COL8A1: variants seen among roughly 807,000 people sequenced by gnomAD.
COL8A1 encodes the protein collagen alpha-1(VIII) chain.
Under a neutral mutation model 42.7 loss-of-function variants are expected in COL8A1, and 21 were observed. The observed-to-expected ratio is 0.49, with a 90% confidence interval of 0.35 to 0.71. The LOEUF (loss-of-function observed/expected upper bound fraction) is 0.71, where lower values mean the gene tolerates loss of function less well. COL8A1 is among the 30% of genes least tolerant of loss of function. COL8A1 has a pLI of 0.01. For missense variants in COL8A1, 788 were observed against 962.4 expected, an observed-to-expected ratio of 0.82 and a Z score of 2.40; for synonymous variants, 367 against 369.1, an observed-to-expected ratio of 0.99 and a Z score of 0.06.
At chr3:99,674,791 C>G (rs1938644825) in intron 1 of COL8A1, among the ~76,000 whole-genome samples, 1 of 152,060 alleles carries the variant, frequency 6.6e-6, no homozygotes, top group Admixed American at 6.6e-5. Flanking sequence ...GAATTTGCTA[C>G]TTAATGAATG....
At chr3:99,750,129 T>C (rs988303645) in intron 2 of COL8A1, among the ~76,000 whole-genome samples, 1 of 144,930 alleles carries the variant, frequency 6.9e-6, no homozygotes, top group Non-Finnish European at 1.5e-5. Flanking sequence ...TGATCTTGGC[T>C]TACTGCAACC....
At chr3:99,716,797 T>A (rs1940010851) in intron 1 of COL8A1, among the ~76,000 whole-genome samples, 1 of 152,064 alleles carries the variant, frequency 6.6e-6, no homozygotes, top group Admixed American at 6.6e-5. Context: ...TGCTCCTTTT[T>A]TGTCTCAATC....
chr3:99,707,839 C>G (rs539413539), intron 1 of COL8A1, among the ~76,000 whole-genome samples: 4 of 152,144 alleles, frequency 2.6e-5, no homozygotes, highest in Non-Finnish European at 5.9e-5. Context: ...AGATACTGCT[C>G]TAAGAGCCTT....
At chr3:99,692,328 C>A (rs931174919) in intron 1 of COL8A1, among the ~76,000 whole-genome samples, 1 of 152,328 alleles carries the variant, frequency 6.6e-6, no homozygotes, top group East Asian at 1.9e-4. Context: ...ATGTCTCAAA[C>A]AACCACAGAA....
intron 2 of COL8A1, among the ~76,000 whole-genome samples, chr3:99,767,904 A>T (rs1458762506): frequency 1.3e-5 from 2 of 152,186 alleles, no homozygotes; most frequent in Non-Finnish European, 2.9e-5. Flanking sequence ...GAATTATATC[A>T]ATTTCCTGGG....
chr3:99,669,798 A>G (rs1938486769), intron 1 of COL8A1, among the ~76,000 whole-genome samples: 1 of 152,072 alleles, frequency 6.6e-6, no homozygotes, highest in Admixed American at 6.6e-5. Flanking sequence ...CGGAGCAGAA[A>G]CAAAGTTTAT....
At chr3:99,773,819 A>ATATATATATATATATATAT (rs1559632659) in intron 2 of COL8A1, among the ~76,000 whole-genome samples, 3 of 56,404 alleles carry the variant, frequency 5.3e-5, no homozygotes, top group African/African-American at 2.5e-4. Context: ...ATGTGTGTAT[A>ATATATATATATATATATAT]TATATATATA....
At chr3:99,735,278 G>T (rs1024728230) in intron 1 of COL8A1, among the ~76,000 whole-genome samples, 1 of 131,758 alleles carries the variant, frequency 7.6e-6, no homozygotes, top group Non-Finnish European at 1.6e-5. Context: ...TATGACATTG[G>T]CTGTGGGTTT....
chr3:99,694,242 G>A (rs1157569204), intron 1 of COL8A1, among the ~76,000 whole-genome samples: 3 of 152,246 alleles, frequency 2.0e-5, no homozygotes, highest in East Asian at 3.9e-4. Flanking sequence ...CAGCACTTTG[G>A]GAGACTGAGG....
intron 1 of COL8A1, among the ~76,000 whole-genome samples, chr3:99,721,124 A>G (rs1420891734): frequency 6.6e-6 from 1 of 152,110 alleles, no homozygotes; most frequent in Non-Finnish European, 1.5e-5. Flanking sequence ...AAGAGCAAAC[A>G]TGCCATCCCC....
intron 1 of COL8A1, among the ~76,000 whole-genome samples, chr3:99,733,947 C>G (rs1392223030): frequency 2.0e-5 from 3 of 151,980 alleles, no homozygotes; most frequent in Admixed American, 2.0e-4. Context: ...TAAATGTCTT[C>G]TTTTGAGAAG....
At position 99,693,701 on chromosome 3, in the gene COL8A1, A is replaced by G. The variant is rs74827855; in HGVS notation, c.-128-51196A>G. ...TAAAAAATTAAAAGGAAGAAATGTT[A>G]CAATAAGCTAAGGTTAATTTATTAT... is the stretch of plus-strand genomic sequence containing the variant. On this transcript the variant is annotated intron_variant, in intron 1 of 3. Coordinates refer to ENST00000652472, the MANE Select transcript of COL8A1 (RefSeq NM_020351.4). 9.3e-3 allele frequency among the ~76,000 whole-genome samples: 1,414 copies of G among 152,354 alleles called. 24 individuals carry two copies. The highest frequency in any genetic ancestry group is 0.032 in the African/African-American group (1,336 of 41,584).
chr3:99,704,690 G>A (rs1221978094), intron 1 of COL8A1, among the ~76,000 whole-genome samples: 2 of 152,180 alleles, frequency 1.3e-5, no homozygotes, highest in Non-Finnish European at 2.9e-5. Context: ...AAGCCCTGCA[G>A]ACTCTGAACA....
intron 1 of COL8A1, among the ~76,000 whole-genome samples, chr3:99,719,316 T>TTG (rs762637938): frequency 2.0e-5 from 3 of 152,144 alleles, no homozygotes; most frequent in Non-Finnish European, 4.4e-5. Flanking sequence ...TTTTTACAAT[T>TTG]TGTGTGTGTT....
chr3:99,681,388 T>C (rs1938877300), intron 1 of COL8A1, among the ~76,000 whole-genome samples: 1 of 152,206 alleles, frequency 6.6e-6, no homozygotes, highest in Non-Finnish European at 1.5e-5. Flanking sequence ...GAAAAATCTC[T>C]TGTATTTTCC....
At chr3:99,710,407 GAAA>G (rs1939801490) in intron 1 of COL8A1, among the ~76,000 whole-genome samples, 1 of 152,082 alleles carries the variant, frequency 6.6e-6, no homozygotes, top group African/African-American at 2.4e-5. Context: ...ATTTAATACA[GAAA>G]AATAATAAAG....
chr3:99,659,052 C>G (rs977216936), intron 1 of COL8A1, among the ~76,000 whole-genome samples: 1 of 152,180 alleles, frequency 6.6e-6, no homozygotes, highest in African/African-American at 2.4e-5. Context: ...CAGGCTGGAA[C>G]TGGAGACAAA....
intron 2 of COL8A1, among the ~76,000 whole-genome samples, chr3:99,776,724 G>A (rs899372180): frequency 1.3e-5 from 2 of 152,178 alleles, no homozygotes; most frequent in Admixed American, 6.5e-5. Context: ...CATAGGCAGT[G>A]CAGCAGCTTG....
chr3:99,756,352 T>C (rs1202380327), intron 2 of COL8A1, among the ~76,000 whole-genome samples: 1 of 152,160 alleles, frequency 6.6e-6, no homozygotes, highest in Non-Finnish European at 1.5e-5. Context: ...GCAATAATTA[T>C]ATTCTGCCAC....
Sources: allele counts gnomAD v4.1 joint callset (sites outside exome capture counted in the v4.1 genomes callset), GRCh38; gene constraint gnomAD v4.1.1; transcripts MANE v1.5; gene names NCBI Gene and HGNC (gene_info 2026-07-23, HGNC 2026-07-21).